The following CCT2 variants were observed in gnomAD, a reference collection of about 807,000 sequenced individuals.
CCT2 encodes the protein chaperonin containing TCP1 subunit 2.
A neutral mutation model predicts 61.8 loss-of-function variants in CCT2; 18 were observed. The ratio of observed to expected loss-of-function variants is 0.29; its 90% confidence interval spans 0.20 to 0.43. The LOEUF (loss-of-function observed/expected upper bound fraction) is 0.43. Among genes scored for constraint, CCT2 ranks in the 20% least tolerant of loss-of-function variants. CCT2 has a pLI of 1.00. For synonymous variants in CCT2, 248 were observed against 215.9 expected (o/e 1.15, Z -1.30); for missense variants, 556 against 656.9 (o/e 0.85, Z 1.68).
chr12:69,599,004 A>G lies in CCT2; in HGVS notation c.1435+583A>G, dbSNP rs934044813. On this transcript the variant is annotated intron_variant, in intron 14 of 15. Coordinates refer to ENST00000299300, the MANE Select transcript of CCT2 (RefSeq NM_006431.3). ...AGAGAAGTTGGGTAGGTAACTTATG[A>G]ATTTTCTTCCATTTGTTTTTTATTA... Among the ~76,000 whole-genome samples the G allele has an allele frequency of 2.6e-5, 4 of 152,076 alleles. No homozygotes were observed. In the East Asian group the frequency reaches 7.7e-4, roughly 29 times the overall value.
At position 69,592,971 on chromosome 12, in the gene CCT2, C is replaced by T. The variant is rs1881880470; in HGVS notation, c.751-5C>T. ...GATGCTCTCTTTATGCTTCGTTTGT[C>T]TTAGATATTTGGTTCCCGGGTAAGA... On this transcript the variant is annotated splice_polypyrimidine_tract_variant and splice_region_variant and intron_variant, in intron 8 of 15. Coordinates refer to ENST00000299300, the MANE Select transcript of CCT2 (RefSeq NM_006431.3). The T allele has an allele frequency of 1.2e-6, 2 of 1,611,724 alleles. No individual in the cohort carries two copies. Among genetic ancestry groups the T allele is most frequent in the Non-Finnish European group, 1.7e-6 (2 of 1,179,246 alleles).
chr12:69,596,480 GC>G (rs894033240), intron 10 of CCT2, among the ~76,000 whole-genome samples: 63 of 152,196 alleles, frequency 4.1e-4, no homozygotes, highest in African/African-American at 1.4e-3. Context: ...TCAGTTTACA[GC>G]ATGGAAGATG....
At chr12:69,595,709 AT>A (rs1881968862) in intron 10 of CCT2, among the ~76,000 whole-genome samples, 2 of 142,348 alleles carry the variant, frequency 1.4e-5, no homozygotes, top group Admixed American at 1.4e-4. Flanking sequence ...AAAAAAAAAG[AT>A]GTAAGAAGTA....
intron 9 of CCT2, 48 bp downstream of exon 9, chr12:69,593,151 G>T: frequency 6.6e-7 from 1 of 1,519,598 alleles, no homozygotes; most frequent in South Asian, 1.2e-5. Flanking sequence ...AAAGTTTATG[G>T]AATACTTCAT....
Position 69,585,909 on chromosome 12 carries a change from G to C in CCT2, c.4-361G>C, listed in dbSNP as rs560062903. Reference sequence around the variant, plus strand: ...GGGCCGCAGCCTTCCGAGGGTGGAAGATGGAGGCCGCGTTCCCTCGCCCGC... The same window carrying C: ...GGGCCGCAGCCTTCCGAGGGTGGAACATGGAGGCCGCGTTCCCTCGCCCGC... On this transcript the variant is annotated intron_variant, in intron 1 of 15. Coordinates refer to ENST00000299300, the MANE Select transcript of CCT2 (RefSeq NM_006431.3). 3.9e-6 allele frequency: 5 copies of C among 1,272,440 alleles called. No homozygotes were observed. The African/African-American group carries it at 7.6e-5, about 19-fold the overall frequency. The allele number at this position is 1,272,440 out of a possible 1,614,324, so 78.8% of individuals were successfully genotyped here.
At chr12:69,599,015 A>G (rs1882074953) in intron 14 of CCT2, among the ~76,000 whole-genome samples, 1 of 152,186 alleles carries the variant, frequency 6.6e-6, no homozygotes, top group South Asian at 2.1e-4. Flanking sequence ...ATTTTCTTCC[A>G]TTTGTTTTTT....
intron 10 of CCT2, among the ~76,000 whole-genome samples, chr12:69,594,290 C>T (rs1327941746): frequency 6.6e-6 from 1 of 152,096 alleles, no homozygotes; most frequent in Non-Finnish European, 1.5e-5. Flanking sequence ...TAGTTGAATG[C>T]TTTGTGTCCT....
At chr12:69,586,898 T>A in intron 3 of CCT2, 80 bp downstream of exon 3, 1 of 850,264 alleles carries the variant, frequency 1.2e-6, no homozygotes, top group Non-Finnish European at 1.8e-6. Flanking sequence ...CGTATTAAAA[T>A]GCTTTTTAAT....
At chr12:69,593,214 CACTT>C in intron 9 of CCT2, 111 bp downstream of exon 9, 1 of 946,340 alleles carries the variant, frequency 1.1e-6, no homozygotes, top group South Asian at 1.7e-5. Flanking sequence ...TAGATAACTT[CACTT>C]AAATTATGGA....
intron 6 of CCT2, among the ~76,000 whole-genome samples, chr12:69,588,971 C>G (rs1356669887): frequency 1.3e-5 from 2 of 152,204 alleles, no homozygotes; most frequent in Admixed American, 1.3e-4. Flanking sequence ...TAGAGTTGCC[C>G]AGAATGGAGT....
Position 69,589,491 on chromosome 12 carries a change from T to A in CCT2, c.453T>A (p.Asp151Glu), listed in dbSNP as rs370589002. 1 of 1,613,718 alleles carries A rather than the reference T, an allele frequency of 6.2e-7. No homozygotes were observed. The highest frequency in any genetic ancestry group is 1.1e-5 in the South Asian group (1 of 91,074). ...TTTGGTTGGTTTTATTTAGTTCCGA[T>A]GAAGTTAAATTCCGTCAAGATTTAA... ...LLSSAVDHGSDEVKFRQDLMN... is the reference protein window; with the variant it reads ...LLSSAVDHGSEEVKFRQDLMN... Residue 151 changes from aspartate to glutamate, a missense_variant, in exon 7 of 16, where the codon GAT becomes GAA. Asp to Glu is a conservative substitution (Grantham distance 45). Around this residue, in one of 3 missense-constraint regions of CCT2, gnomAD observed 308 missense variants for 350.6 expected, o/e 0.88. Transcript: ENST00000299300.
At chr12:69,586,087 C>T (rs947331625) in intron 1 of CCT2, 183 bp from the exon 2 acceptor site, 43 of 1,236,348 alleles carry the variant, frequency 3.5e-5, no homozygotes, top group Middle Eastern at 5.5e-4. Context: ...ATGTCGCTCT[C>T]CTACAAGTCC....
intron 6 of CCT2, among the ~76,000 whole-genome samples, chr12:69,588,884 C>T (rs1234534435): frequency 1.3e-5 from 2 of 152,168 alleles, no homozygotes; most frequent in Non-Finnish European, 2.9e-5. Flanking sequence ...TTTATTTGCC[C>T]ATTCACAACT....
chr12:69,597,269 G>T lies in CCT2; in HGVS notation c.1096G>T (p.Ala366Ser). 1 of 1,613,832 alleles carries T rather than the reference G, an allele frequency of 6.2e-7. No individual in the cohort carries two copies. Among genetic ancestry groups the T allele is most frequent in the South Asian group, 1.1e-5 (1 of 91,052 alleles). ...EDKLIHFSGV[A>S]LGEACTIVLR... ...CAAACTCATTCACTTTTCTGGGGTT[G>T]CCCTTGGTGAGTGATTATGTAGATC... is the stretch of plus-strand genomic sequence containing the variant. Residue 366 changes from alanine (A) to serine (S), a missense_variant, in exon 11 of 16, where the codon GCC (alanine) becomes TCC (serine). Ala to Ser is a moderately conservative substitution (Grantham distance 99). Transcript: ENST00000299300.
intron 7 of CCT2, among the ~76,000 whole-genome samples, chr12:69,590,819 C>T (rs1388385527): frequency 3.3e-5 from 5 of 150,768 alleles, no homozygotes; most frequent in Non-Finnish European, 7.4e-5. Flanking sequence ...TGAGTTAAGG[C>T]GATTCTCCTG....
Position 69,598,418 on chromosome 12 carries a change from T to C in CCT2, c.1432T>C (p.Leu478=), listed in dbSNP as rs1275635833. Reference sequence around the variant, plus strand: ...CAGTGAAGGCAATACCACTGCTGGATTGGGTAAGCAATCAAGGGGAACTTT... The same window carrying C: ...CAGTGAAGGCAATACCACTGCTGGACTGGGTAAGCAATCAAGGGGAACTTT... ...AHSEGNTTAG[L]DMREGTIGDM... Residue 478 remains leucine (L), a synonymous_variant, in exon 14 of 16, where the codon TTG becomes CTG. Transcript: ENST00000299300. The C allele has an allele frequency of 1.9e-6, 3 of 1,567,662 alleles. No homozygotes were observed. The highest frequency in any genetic ancestry group is 2.3e-5 in the East Asian group (1 of 43,768).
At position 69,601,459 on chromosome 12, in the gene CCT2, T is replaced by C. The variant is rs1399602465; in HGVS notation, c.*134T>C. The C allele has an allele frequency of 6.4e-7, 1 of 1,567,534 alleles. No homozygotes were observed. Among genetic ancestry groups the C allele is most frequent in the African/African-American group, 1.4e-5 (1 of 72,998 alleles). On this transcript the variant is annotated 3_prime_UTR_variant, in exon 16 of 16. Coordinates refer to ENST00000299300, the MANE Select transcript of CCT2 (RefSeq NM_006431.3). ...CTTAAGTTTGGATATTTAGCTGACCTTCGCTTTAACATAGGTCTAATTTAT... is the reference window on the plus strand; with the variant it reads ...CTTAAGTTTGGATATTTAGCTGACCCTCGCTTTAACATAGGTCTAATTTAT...
chr12:69,598,250 T>C, intron 13 of CCT2, 72 bp from the exon 14 acceptor site: 1 of 1,180,340 alleles, frequency 8.5e-7, no homozygotes, highest in South Asian at 1.4e-5. Context: ...TTTAAAAAGC[T>C]ATCCTAGTTA....
At chr12:69,596,067 T>A (rs966701737) in intron 10 of CCT2, among the ~76,000 whole-genome samples, 5 of 152,186 alleles carry the variant, frequency 3.3e-5, no homozygotes, top group African/African-American at 1.2e-4. Flanking sequence ...AGCAAGACAC[T>A]CTCTCTTTAA....
Sources: allele counts gnomAD v4.1 joint callset (sites outside exome capture counted in the v4.1 genomes callset), GRCh38; gene constraint gnomAD v4.1.1; regional missense constraint gnomAD v4.1.1; transcripts MANE v1.5; gene names NCBI Gene and HGNC (gene_info 2026-07-23, HGNC 2026-07-21).